TMEM184C: variants seen among roughly 807,000 people sequenced by gnomAD.
TMEM184C encodes transmembrane protein 184C.
A neutral mutation model predicts 54.5 loss-of-function variants in TMEM184C; 25 were observed. The ratio of observed to expected loss-of-function variants is 0.46; its 90% CI spans 0.33 to 0.64. TMEM184C has a LOEUF of 0.64. Ranked by LOEUF, TMEM184C falls within the 30% of genes least tolerant of loss-of-function variation. The pLI is 0.02. For synonymous variants in TMEM184C, 148 were observed against 181.5 expected, an observed-to-expected ratio of 0.82 and a Z score of 1.49; for missense variants, 335 against 520.3, an observed-to-expected ratio of 0.64 and a Z score of 3.46.
At chr4:147,625,264 C>T (rs1043651359) in intron 4 of TMEM184C, among the ~76,000 whole-genome samples, 1 of 152,166 alleles carries the variant, frequency 6.6e-6, no homozygotes, top group African/African-American at 2.4e-5. Flanking sequence ...AAACAGTAAT[C>T]ATTTAATCAA....
At chr4:147,629,802 T>C (rs1732881686) in intron 6 of TMEM184C, 110 bp downstream of exon 6, 2 of 567,604 alleles carry the variant, frequency 3.5e-6, no homozygotes, top group African/African-American at 3.9e-5. Flanking sequence ...TTAATCTTCC[T>C]ATAAATTAAA....
chr4:147,625,271 T>C (rs1732792030), intron 4 of TMEM184C, among the ~76,000 whole-genome samples: 1 of 152,236 alleles, frequency 6.6e-6, no homozygotes, highest in East Asian at 1.9e-4. Context: ...AATCATTTAA[T>C]CAATATGCTT....
At chr4:147,631,326 T>A (rs1337942567) in intron 6 of TMEM184C, 67 bp from the exon 7 acceptor site, 1 of 1,218,074 alleles carries the variant, frequency 8.2e-7, no homozygotes, top group African/African-American at 1.6e-5. Flanking sequence ...GTCTCTGGTA[T>A]GTAACTTTAA....
In TMEM184C at chr4:147,618,079, G is replaced by A; in HGVS notation, c.123G>A (p.Glu41=). The change falls in exon 1 of 10, where the codon GAG becomes GAA. Residue 41 remains glutamate (E), a splice_region_variant and synonymous_variant. Transcript: ENST00000296582. ...PLCVWELQKL[E]VGIHTKAWFI... ...GCGTGTGGGAATTACAGAAACTGGA[G>A]GTAAGAGGGTTCTGCACCATCAGCC... is the stretch of plus-strand genomic sequence containing the variant. 6.2e-7 allele frequency: 1 copy of A among 1,614,054 alleles called. No individual in the cohort carries two copies. The highest frequency in any genetic ancestry group is 2.2e-5 in the East Asian group (1 of 44,870).
chr4:147,630,447 GT>G, intron 6 of TMEM184C, among the ~76,000 whole-genome samples: 1 of 152,092 alleles, frequency 6.6e-6, no homozygotes, highest in South Asian at 2.1e-4. Context: ...TCAAAAGTAT[GT>G]TTGCCTAAAG....
At chr4:147,625,608 G>A (rs1732800307) in intron 4 of TMEM184C, among the ~76,000 whole-genome samples, 1 of 152,190 alleles carries the variant, frequency 6.6e-6, no homozygotes, top group Non-Finnish European at 1.5e-5. Flanking sequence ...GGATGAATTG[G>A]AAGGAAGAAG....
chr4:147,632,773 A>G (rs1029159505), intron 7 of TMEM184C, 130 bp from the exon 8 acceptor site: 1 of 614,432 alleles, frequency 1.6e-6, no homozygotes. Flanking sequence ...TTCTTCAGCA[A>G]TATGCTGTAA....
rs571854480 is a variant in TMEM184C, at chr4:147,634,279, T to G, written c.1162T>G (p.Ser388Ala). ...SSSQDAISIASSMPPSPMGHY... is the reference protein window; with the variant it reads ...SSSQDAISIAASMPPSPMGHY... ...ATCACAAGATGCAATTTCCATTGCT[T>G]CTTCTATGCCACCTTCACCCATGGG... Residue 388 changes from serine (S) to alanine (A), a missense_variant, in exon 10 of 10, where the codon TCT (serine) becomes GCT (alanine). Ser to Ala is a moderately conservative substitution (Grantham distance 99). Coordinates refer to ENST00000296582, the MANE Select transcript of TMEM184C (RefSeq NM_018241.3). 9 of 1,614,210 alleles carry G rather than the reference T, an allele frequency of 5.6e-6. No individual in the cohort carries two copies. The highest frequency in any genetic ancestry group is 2.2e-5 in the East Asian group (1 of 44,884).
Position 147,617,849 on chromosome 4 carries a change from T to C in TMEM184C, c.-108T>C. 1 of 1,539,218 alleles carries C rather than the reference T, an allele frequency of 6.5e-7. No individual in the cohort carries two copies. Among genetic ancestry groups the C allele is most frequent in the Non-Finnish European group, 8.9e-7 (1 of 1,121,710 alleles). On this transcript the variant is annotated 5_prime_UTR_variant, in exon 1 of 10. Coordinates refer to ENST00000296582, the MANE Select transcript of TMEM184C (RefSeq NM_018241.3). Reference sequence around the variant, plus strand: ...CTGTTCGTAAAGTCGCCCGACAGCTTTTTCTCCGTAGTATGCGAGTTGACA... The same window carrying C: ...CTGTTCGTAAAGTCGCCCGACAGCTCTTTCTCCGTAGTATGCGAGTTGACA...
intron 9 of TMEM184C, 47 bp downstream of exon 9, chr4:147,633,983 TG>T: frequency 6.4e-7 from 1 of 1,573,526 alleles, no homozygotes; most frequent in South Asian, 1.2e-5. Flanking sequence ...GGTAGGATAT[TG>T]AATTTCTCCT....
intron 5 of TMEM184C, among the ~76,000 whole-genome samples, chr4:147,629,233 A>C (rs952632715): frequency 6.6e-6 from 1 of 152,084 alleles, no homozygotes; most frequent in African/African-American, 2.4e-5. Context: ...ATACACCTGC[A>C]TTATATTATG....
intron 3 of TMEM184C, among the ~76,000 whole-genome samples, chr4:147,624,416 C>T (rs892828828): frequency 5.3e-5 from 8 of 149,712 alleles, no homozygotes; most frequent in Non-Finnish European, 1.0e-4. Context: ...AAAAACCTTC[C>T]CCAGTGGATA....
rs1488493433 is a variant in TMEM184C, at chr4:147,635,760, CTGTT to C, written c.*1331_*1334del. ...CCAAAGATACACACACAAAAAAAAT[CTGTT>C]TGTTAGAACTCAAGTGAATTCAGTA... On this transcript the variant is annotated 3_prime_UTR_variant, in exon 10 of 10. Transcript: ENST00000296582. 2.6e-5 allele frequency: 4 copies of C among 151,992 alleles called. No homozygotes were observed. The highest frequency in any genetic ancestry group is 2.9e-5 in the Non-Finnish European group (2 of 67,942). 9.4% of individuals were successfully genotyped at this position (151,992 alleles called of 1,614,324 possible).
chr4:147,628,939 T>G (rs191635990), intron 5 of TMEM184C, among the ~76,000 whole-genome samples: 1 of 152,336 alleles, frequency 6.6e-6, no homozygotes, highest in African/African-American at 2.4e-5. Context: ...TCAAATACTT[T>G]AATGCCAATA....
chr4:147,625,662 T>C (rs1388960071), intron 4 of TMEM184C, among the ~76,000 whole-genome samples: 1 of 152,100 alleles, frequency 6.6e-6, no homozygotes, highest in Non-Finnish European at 1.5e-5. Context: ...TAATAATCTA[T>C]TTGTGAAATA....
intron 1 of TMEM184C, among the ~76,000 whole-genome samples, chr4:147,620,255 A>G (rs147370312): frequency 2.6e-5 from 4 of 152,240 alleles, no homozygotes; most frequent in African/African-American, 4.8e-5. Context: ...ACCACGATAC[A>G]TATTTTACTT....
At position 147,618,033 on chromosome 4, in the gene TMEM184C, T is replaced by C. The variant is rs757541610; in HGVS notation, c.77T>C (p.Ile26Thr). 6 of 1,614,060 alleles carry C rather than the reference T, an allele frequency of 3.7e-6. No homozygotes were observed. Among genetic ancestry groups the C allele is most frequent in the Admixed American group, 3.3e-5 (2 of 60,004 alleles). The change falls in exon 1 of 10, where the codon ATA (isoleucine) becomes ACA (threonine). Residue 26 changes from isoleucine to threonine, a missense_variant. Transcript: ENST00000296582. ...PLVAVIYLVS[I>T]VVAVPLCVWE... ...GTAGCGGTCATCTACCTGGTGTCAA[T>C]AGTGGTTGCGGTTCCCCTATGCGTG...
chr4:147,631,015 A>G (rs1732906705), intron 6 of TMEM184C, among the ~76,000 whole-genome samples: 1 of 152,140 alleles, frequency 6.6e-6, no homozygotes, highest in African/African-American at 2.4e-5. Context: ...CTTTAGTTAC[A>G]TAGGATAGAC....
intron 6 of TMEM184C, among the ~76,000 whole-genome samples, chr4:147,630,270 T>G (rs1732892452): frequency 6.6e-6 from 1 of 152,084 alleles, no homozygotes. Flanking sequence ...TTATTTAAAT[T>G]CTTTGACTAA....
Sources: gnomAD v4.1 joint callset for allele counts (sites outside exome capture counted in the v4.1 genomes callset) on GRCh38, gnomAD v4.1.1 for gene constraint, MANE v1.5 for transcripts, NCBI Gene and HGNC (gene_info 2026-07-23, HGNC 2026-07-21) for gene names.